The following CDK6 variants were observed in gnomAD, a reference collection of about 807,000 sequenced individuals.
CDK6 encodes cyclin-dependent kinase 6.
CDK6 carries 6 observed loss-of-function variants against 37.1 expected under a neutral mutation model. That is an observed-to-expected ratio of 0.16 (90% CI 0.09 to 0.32). The LOEUF (loss-of-function observed/expected upper bound fraction) is 0.32. Ranked by LOEUF, CDK6 falls within the 10% of genes least tolerant of loss-of-function variation. The pLI, the probability that CDK6 is intolerant of heterozygous loss-of-function variation, is 1.00. For missense variants in CDK6, 224 were observed against 418.9 expected (o/e 0.53, Z 4.06); for synonymous variants, 160 against 161.3 (o/e 0.99, Z 0.06).
At chr7:92,647,230 T>C (rs1455513312) in intron 5 of CDK6, among the ~76,000 whole-genome samples, 1 of 152,196 alleles carries the variant, frequency 6.6e-6, no homozygotes. Flanking sequence ...TCATGAGTGA[T>C]AGGGCAAACA....
chr7:92,825,925 C>A (rs1209789945), intron 2 of CDK6, among the ~76,000 whole-genome samples: 1 of 152,120 alleles, frequency 6.6e-6, no homozygotes, highest in Non-Finnish European at 1.5e-5. Context: ...CTTAAACTTT[C>A]ATATAAACTA....
At chr7:92,803,555 G>A (rs1800644269) in intron 2 of CDK6, among the ~76,000 whole-genome samples, 2 of 152,176 alleles carry the variant, frequency 1.3e-5, no homozygotes, top group South Asian at 4.1e-4. Context: ...TGAGGGCAGA[G>A]TCCCCATTTA....
At chr7:92,666,346 T>C (rs1796955998) in intron 5 of CDK6, among the ~76,000 whole-genome samples, 1 of 152,220 alleles carries the variant, frequency 6.6e-6, no homozygotes, top group South Asian at 2.1e-4. Context: ...GTCACCCCTC[T>C]AGAAGTGGGC....
chr7:92,669,645 C>G (rs1052680437), intron 5 of CDK6, among the ~76,000 whole-genome samples: 7 of 152,232 alleles, frequency 4.6e-5, no homozygotes, highest in Non-Finnish European at 1.0e-4. Context: ...TGGTTCTAAC[C>G]ATAAGCCTTT....
chr7:92,646,590 G>A (rs764227433), intron 5 of CDK6, among the ~76,000 whole-genome samples: 15 of 151,770 alleles, frequency 9.9e-5, no homozygotes, highest in Admixed American at 2.6e-4. Flanking sequence ...TAGAGATAGC[G>A]TTTCACCATG....
Position 92,833,865 on chromosome 7 carries a change from G to T in CDK6, c.-367-175C>A. 1 of 398,876 alleles carries T rather than the reference G, an allele frequency of 2.5e-6. No homozygotes were observed. The highest frequency in any genetic ancestry group is 4.4e-6 in the Non-Finnish European group (1 of 226,354). The allele number at this position is 398,876 out of a possible 1,614,324, so 24.7% of individuals were successfully genotyped here. A position where few individuals can be genotyped will look rare whatever the true frequency, so the allele number is the denominator to read the frequency against. On this transcript the variant is annotated intron_variant, in intron 1 of 7. Coordinates refer to ENST00000424848, the MANE Select transcript of CDK6 (RefSeq NM_001145306.2). This position sits in a 1 kb window ranked among gnomAD's most constrained non-coding sequence, Gnocchi z 6.1. Reference sequence around the variant, plus strand: ...CCTTCCTGGTTCCTCCGAGAAAAGCGAAGTTACTTTTCTTTCCCTGCAGGG... The same window carrying T: ...CCTTCCTGGTTCCTCCGAGAAAAGCTAAGTTACTTTTCTTTCCCTGCAGGG...
In CDK6 at chr7:92,608,969, C is replaced by A. The variant is rs926154328; in HGVS notation, c.*6171G>T. Reference sequence around the variant, plus strand: ...GGGTTCAGACTGGCCACTGTTATAACAAACCCTGGGGTGGAATTCGGCCTT... The same window carrying A: ...GGGTTCAGACTGGCCACTGTTATAAAAAACCCTGGGGTGGAATTCGGCCTT... On this transcript the variant is annotated 3_prime_UTR_variant, in exon 8 of 8. Transcript: ENST00000424848. The A allele has an allele frequency of 4.3e-6, 1 of 233,036 alleles. No homozygotes were observed. Among genetic ancestry groups the A allele is most frequent in the Non-Finnish European group, 8.5e-6 (1 of 117,974 alleles). The allele number at this position is 233,036 out of a possible 1,614,324, so 14.4% of individuals were successfully genotyped here. A position where few individuals can be genotyped will look rare whatever the true frequency, so the allele number is the denominator to read the frequency against.
chr7:92,650,577 T>C (rs1487830862), intron 5 of CDK6, among the ~76,000 whole-genome samples: 1 of 152,228 alleles, frequency 6.6e-6, no homozygotes, highest in Admixed American at 6.5e-5. Context: ...ATGGCTCAGC[T>C]GGTTCTCTGT....
chr7:92,767,724 C>A (rs997694467), intron 3 of CDK6, among the ~76,000 whole-genome samples: 24 of 151,974 alleles, frequency 1.6e-4, no homozygotes, highest in South Asian at 4.2e-4. Flanking sequence ...TAAAAAAAAA[C>A]CCCAAATTTC....
At chr7:92,697,005 G>A (rs960865706) in intron 4 of CDK6, among the ~76,000 whole-genome samples, 2 of 152,156 alleles carry the variant, frequency 1.3e-5, no homozygotes, top group African/African-American at 2.4e-5. Flanking sequence ...TGGCCTCTAC[G>A]TTACCAGGCA....
At chr7:92,826,168 T>C (rs1801305373) in intron 2 of CDK6, among the ~76,000 whole-genome samples, 1 of 152,052 alleles carries the variant, frequency 6.6e-6, no homozygotes, top group Admixed American at 6.6e-5. Context: ...TTATATCCAA[T>C]GGATACAGGA....
chr7:92,752,117 G>A (rs1232380019), intron 3 of CDK6, among the ~76,000 whole-genome samples: 1 of 152,162 alleles, frequency 6.6e-6, no homozygotes, highest in East Asian at 1.9e-4. Flanking sequence ...AGCTATTTAT[G>A]CCAGCTGCCT....
chr7:92,605,062 C>T lies in CDK6; in HGVS notation c.*10078G>A. On this transcript the variant is annotated 3_prime_UTR_variant, in exon 8 of 8. Coordinates refer to ENST00000424848, the MANE Select transcript of CDK6 (RefSeq NM_001145306.2). ...TTATTGTTTTTATTATTTTTATTTG[C>T]TACCAATATTTTTATTGTAAGAAAT... 4.3e-6 allele frequency: 1 copy of T among 230,392 alleles called. No homozygotes were observed. The highest frequency in any genetic ancestry group is 8.6e-6 in the Non-Finnish European group (1 of 116,454). 14.3% of individuals were successfully genotyped at this position (230,392 alleles called of 1,614,324 possible). A position where few individuals can be genotyped will look rare whatever the true frequency, so the allele number is the denominator to read the frequency against.
intron 2 of CDK6, among the ~76,000 whole-genome samples, chr7:92,823,359 T>C (rs1801223044): frequency 7.2e-6 from 1 of 139,688 alleles, no homozygotes. Flanking sequence ...AGAAGTTAAA[T>C]AGCCACTGAT....
intron 4 of CDK6, among the ~76,000 whole-genome samples, chr7:92,691,695 T>C (rs1797603365): frequency 6.6e-6 from 1 of 152,200 alleles, no homozygotes; most frequent in South Asian, 2.1e-4. Context: ...TGCTTTCATT[T>C]CACAGTTAGA....
intron 5 of CDK6, among the ~76,000 whole-genome samples, chr7:92,663,137 T>A (rs763693347): frequency 1.2e-4 from 18 of 151,846 alleles, no homozygotes; most frequent in Non-Finnish European, 1.0e-4. Flanking sequence ...AGGGAAGCAA[T>A]GGCTTGGGAA....
chr7:92,634,880 G>C (rs1168878381), intron 5 of CDK6, among the ~76,000 whole-genome samples: 1 of 152,076 alleles, frequency 6.6e-6, no homozygotes, highest in East Asian at 1.9e-4. Context: ...CTAAGTGATG[G>C]ATTATCTTAG....
intron 4 of CDK6, among the ~76,000 whole-genome samples, chr7:92,691,805 T>C (rs573352007): frequency 3.9e-5 from 6 of 152,256 alleles, no homozygotes; most frequent in Non-Finnish European, 8.8e-5. Flanking sequence ...AAAAAGAAAA[T>C]TTGAGTACTG....
intron 2 of CDK6, among the ~76,000 whole-genome samples, chr7:92,819,290 T>C (rs1010798525): frequency 2.0e-5 from 3 of 152,036 alleles, no homozygotes; most frequent in Non-Finnish European, 4.4e-5. Context: ...CCAGATATAA[T>C]AGAACATAAT....
Sources: allele counts gnomAD v4.1 joint callset (sites outside exome capture counted in the v4.1 genomes callset), GRCh38; gene constraint gnomAD v4.1.1; non-coding constraint Gnocchi (gnomAD v3.1); transcripts MANE v1.5; gene names NCBI Gene and HGNC (gene_info 2026-07-23, HGNC 2026-07-21).